Variants in SLU7 observed in about 807,000 individuals in gnomAD.
SLU7 encodes the protein spliceosome associated SLU7, also known as pre-mRNA-splicing factor SLU7.
SLU7 carries 60 observed loss-of-function variants against 87.0 expected under a neutral mutation model. The ratio of observed to expected loss-of-function variants is 0.69; its 90% CI spans 0.56 to 0.86. The LOEUF is 0.86. SLU7 is among the 40% of genes least tolerant of loss of function. The pLI is 0.00. For missense variants in SLU7, 507 were observed against 686.6 expected (o/e 0.74, Z 2.92); for synonymous variants, 197 against 222.0 (o/e 0.89, Z 1.00).
At chr5:160,417,042 G>T (rs1186557233) in intron 1 of SLU7, 5 of 152,216 alleles carry the variant, frequency 3.3e-5, no homozygotes, top group Admixed American at 3.3e-4. Context: ...GCCGCCATGT[G>T]AGAGGTACCT....
At chr5:160,413,820 A>G in intron 4 of SLU7, 79 bp downstream of exon 4, 1 of 1,148,576 alleles carries the variant, frequency 8.7e-7, no homozygotes, top group Non-Finnish European at 1.3e-6. Context: ...TGATTTCAGA[A>G]AAAGAGAAGT....
chr5:160,405,152 TA>T lies in SLU7; in HGVS notation c.1288-18del. 1 of 1,533,848 alleles carries T rather than the reference TA, an allele frequency of 6.5e-7. No homozygotes were observed. The highest frequency in any genetic ancestry group is 9.0e-7 in the Non-Finnish European group (1 of 1,111,042). ...CCAGATATGCTGCAGAGAGAGAAAT[TA>T]AAAAGCTTAAAAAGGAAGCTGAAAT... On this transcript the variant is annotated intron_variant, in intron 12 of 15. Transcript: ENST00000297151.
At chr5:160,414,170 A>G in intron 3 of SLU7, 149 bp downstream of exon 3, 1 of 740,716 alleles carries the variant, frequency 1.4e-6, no homozygotes, top group Non-Finnish European at 2.1e-6. Flanking sequence ...AGAAACACAA[A>G]GATAAAATAG....
At chr5:160,408,136 G>A (rs1357277070) in intron 8 of SLU7, 68 bp from the exon 9 acceptor site, 4 of 1,244,456 alleles carry the variant, frequency 3.2e-6, no homozygotes, top group African/African-American at 1.5e-5. Context: ...AGACTAGTTG[G>A]AGGAGTTGAA....
chr5:160,414,097 T>TA, intron 3 of SLU7, 118 bp from the exon 4 acceptor site: 1 of 718,136 alleles, frequency 1.4e-6, no homozygotes, highest in African/African-American at 1.9e-5. Flanking sequence ...GAAAATAAGT[T>TA]AGAGTCTCCA....
In SLU7 at chr5:160,403,243, T is replaced by C. The variant is rs575712591; in HGVS notation, c.*42A>G. 6 of 1,369,844 alleles carry C rather than the reference T, an allele frequency of 4.4e-6. No individual in the cohort carries two copies. The East Asian group carries it at 1.5e-4, about 34-fold the overall frequency. The allele number at this position is 1,369,844 out of a possible 1,614,324, so 84.9% of individuals were successfully genotyped here. On this transcript the variant is annotated 3_prime_UTR_variant, in exon 16 of 16. Coordinates refer to ENST00000297151, the MANE Select transcript of SLU7 (RefSeq NM_006425.5). Reference sequence around the variant, plus strand: ...ATCATCAATAAGAAGCTGAAAAGAATGTATCAGCTGCATCTATCTTGGATG... The same window carrying C: ...ATCATCAATAAGAAGCTGAAAAGAACGTATCAGCTGCATCTATCTTGGATG...
chr5:160,405,051 C>T lies in SLU7; in HGVS notation c.1372G>A (p.Glu458Lys). 3 of 1,613,086 alleles carry T rather than the reference C, an allele frequency of 1.9e-6. No individual in the cohort carries two copies. The highest frequency in any genetic ancestry group is 2.5e-6 in the Non-Finnish European group (3 of 1,179,058). ...CTTACAACAATCTCCTTCCCAGCTTCTCCAGTACAATAGGAATACTTGAAA... is the reference window on the plus strand; with the variant it reads ...CTTACAACAATCTCCTTCCCAGCTTTTCCAGTACAATAGGAATACTTGAAA... The part of the protein sequence containing the change: ...SFFKYSYCTG[E>K]AGKEIVNSEE... The change falls in exon 13 of 16, where the codon GAA becomes AAA. Residue 458 changes from glutamate (E) to lysine (K), a missense_variant. Glu to Lys is a moderately conservative substitution (Grantham distance 56). Coordinates refer to ENST00000297151, the MANE Select transcript of SLU7 (RefSeq NM_006425.5).
intron 15 of SLU7, among the ~76,000 whole-genome samples, chr5:160,403,719 C>T (rs1201934202): frequency 1.3e-5 from 2 of 152,106 alleles, no homozygotes; most frequent in African/African-American, 4.8e-5. Flanking sequence ...TATTTAATAA[C>T]AAAAATTAAA....
Position 160,407,769 on chromosome 5 carries a change from G to GT in SLU7, c.961dup (p.Thr321AsnfsTer16). 1 of 1,613,010 alleles carries GT rather than the reference G, an allele frequency of 6.2e-7. No individual in the cohort carries two copies. Among genetic ancestry groups the GT allele is most frequent in the Non-Finnish European group, 8.5e-7 (1 of 1,179,064 alleles). ...ACACTGTGTCTGAGCCATTGAAATG[G>GT]TATCTCCTGTGTACCTAACAAAGTT... is the stretch of plus-strand genomic sequence containing the variant. On this transcript the variant is annotated frameshift_variant, in exon 10 of 16. Coordinates refer to ENST00000297151, the MANE Select transcript of SLU7 (RefSeq NM_006425.5). LOFTEE classifies it high-confidence loss of function. The surrounding 1 kb of genome is among the most constrained non-coding windows in gnomAD (Gnocchi z 4.2).
rs1015885442 is a variant in SLU7, at chr5:160,409,633, G to A, written c.640-936C>T. 2.0e-5 allele frequency among the ~76,000 whole-genome samples: 3 copies of A among 152,256 alleles called. No individual in the cohort carries two copies. The East Asian group carries it at 5.8e-4, about 29-fold the overall frequency. ...ATAAAGATGTATAAGAATGTGATGT[G>A]CAGTGTTGTATATGTGCAATGTTTT... is the stretch of plus-strand genomic sequence containing the variant. On this transcript the variant is annotated intron_variant, in intron 6 of 15. Transcript: ENST00000297151.
intron 6 of SLU7, among the ~76,000 whole-genome samples, chr5:160,409,107 T>C (rs907047395): frequency 6.6e-6 from 1 of 151,964 alleles, no homozygotes; most frequent in Non-Finnish European, 1.5e-5. Context: ...CCAATAAATA[T>C]TAATTTCTAA....
Position 160,407,342 on chromosome 5 carries a change from AAGGAAGAAAAGGACTATTC to A in SLU7, c.1125+115_1125+133del. 1 of 731,068 alleles carries A rather than the reference AAGGAAGAAAAGGACTATTC, an allele frequency of 1.4e-6. No homozygotes were observed. Among genetic ancestry groups the A allele is most frequent in the Non-Finnish European group, 2.2e-6 (1 of 462,074 alleles). The allele number at this position is 731,068 out of a possible 1,614,324, so 45.3% of individuals were successfully genotyped here. On this transcript the variant is annotated intron_variant, in intron 11 of 15. Coordinates refer to ENST00000297151, the MANE Select transcript of SLU7 (RefSeq NM_006425.5). This position sits in a 1 kb window ranked among gnomAD's most constrained non-coding sequence, Gnocchi z 4.2. Reference sequence around the variant, plus strand: ...ACAAAATTACCATCTGACTAAGAGAAAGGAAGAAAAGGACTATTCTTCATGGATTAAGAGGGCTCTCTTT... The same window carrying A: ...ACAAAATTACCATCTGACTAAGAGAATTCATGGATTAAGAGGGCTCTCTTT...
Position 160,407,646 on chromosome 5 carries a change from G to A in SLU7, c.986-31C>T, listed in dbSNP as rs1765063386. On this transcript the variant is annotated intron_variant, in intron 10 of 15. Transcript: ENST00000297151. The surrounding 1 kb of genome is among the most constrained non-coding windows in gnomAD (Gnocchi z 4.2). ...GTAATTCAAAACATCTTAGTGAGTT[G>A]GCAGCTGCATTACTGTATGCTTCTT... 1.2e-6 allele frequency: 2 copies of A among 1,605,598 alleles called. No homozygotes were observed. The highest frequency in any genetic ancestry group is 1.3e-5 in the African/African-American group (1 of 74,410).
chr5:160,414,505 G>A (rs1001594565), intron 2 of SLU7, 33 bp from the exon 3 acceptor site: 11 of 1,339,824 alleles, frequency 8.2e-6, no homozygotes, highest in Admixed American at 4.9e-5. Context: ...AAAAATTTAA[G>A]GATAAAATTG....
intron 12 of SLU7, 128 bp downstream of exon 12, chr5:160,406,338 AAC>A: frequency 1.4e-6 from 1 of 706,274 alleles, no homozygotes; most frequent in Non-Finnish European, 2.1e-6. Flanking sequence ...AATTCCATGA[AAC>A]AGTTAAAATT....
Position 160,413,584 on chromosome 5 carries a change from T to C in SLU7, c.442A>G (p.Asn148Asp). 6.2e-7 allele frequency: 1 copy of C among 1,613,300 alleles called. No individual in the cohort carries two copies. The highest frequency in any genetic ancestry group is 1.1e-5 in the South Asian group (1 of 90,824). The change falls in exon 5 of 16, where the codon AAT becomes GAT. Residue 148 changes from asparagine (N) to aspartate (D), a missense_variant. Asn to Asp is a conservative substitution (Grantham distance 23). This residue lies in a region of SLU7 where 155 missense variants were observed against 154.4 expected (regional missense o/e 1.00). Transcript: ENST00000297151. ...RRVGAKFTGTNIAPDEHVQPQ... is the reference protein window; with the variant it reads ...RRVGAKFTGTDIAPDEHVQPQ... Reference sequence around the variant, plus strand: ...TGGACATGTTCATCTGGAGCTATATTAGTACCTGTAAATTTGGCTCCAACT... The same window carrying C: ...TGGACATGTTCATCTGGAGCTATATCAGTACCTGTAAATTTGGCTCCAACT...
chr5:160,407,377 G>A lies in SLU7; in HGVS notation c.1125+99C>T. 1 of 996,144 alleles carries A rather than the reference G, an allele frequency of 1.0e-6. No individual in the cohort carries two copies. Among genetic ancestry groups the A allele is most frequent in the South Asian group, 1.7e-5 (1 of 59,768 alleles). The allele number at this position is 996,144 out of a possible 1,614,324, so 61.7% of individuals were successfully genotyped here. On this transcript the variant is annotated intron_variant, in intron 11 of 15. Coordinates refer to ENST00000297151, the MANE Select transcript of SLU7 (RefSeq NM_006425.5). The surrounding 1 kb of genome is among the most constrained non-coding windows in gnomAD (Gnocchi z 4.2). ...AGGACTATTCTTCATGGATTAAGAG[G>A]GCTCTCTTTGCATTATTTTCCAAAT...
rs1024605940 is a variant in SLU7 at position 160,407,828 on chromosome 5, A to G, written c.918-15T>C. ...CATAACTCACTCTGTAAATACAAAT[A>G]AAGAAAATGTTTCAGAGATTGATTT... On this transcript the variant is annotated splice_polypyrimidine_tract_variant and intron_variant, in intron 9 of 15. Transcript: ENST00000297151. The surrounding 1 kb of genome is among the most constrained non-coding windows in gnomAD (Gnocchi z 4.2). 3 of 1,595,374 alleles carry G rather than the reference A, an allele frequency of 1.9e-6. No individual in the cohort carries two copies. The highest frequency in any genetic ancestry group is 2.2e-5 in the East Asian group (1 of 44,768).
intron 1 of SLU7, among the ~76,000 whole-genome samples, chr5:160,417,485 A>C (rs779663499): frequency 6.6e-6 from 1 of 152,186 alleles, no homozygotes; most frequent in Non-Finnish European, 1.5e-5. Flanking sequence ...GTGGCTAATA[A>C]CTATCATAAC....
Sources: gnomAD v4.1 joint callset for allele counts (sites outside exome capture counted in the v4.1 genomes callset) on GRCh38, gnomAD v4.1.1 for gene constraint, gnomAD v4.1.1 regional missense constraint, Gnocchi (gnomAD v3.1) non-coding constraint, MANE v1.5 for transcripts, NCBI Gene and HGNC (gene_info 2026-07-23, HGNC 2026-07-21) for gene names.